The following NFASC variants were observed in gnomAD, a reference collection of about 807,000 sequenced individuals.
NFASC encodes the protein neurofascin homolog.
A neutral mutation model predicts 147.5 loss-of-function variants in NFASC; 43 were observed. The ratio of observed to expected loss-of-function variants is 0.29; its 90% CI spans 0.23 to 0.38. The LOEUF (loss-of-function observed/expected upper bound fraction) is 0.38, where lower values mean the gene tolerates loss of function less well. Ranked by LOEUF, NFASC falls within the 10% of genes least tolerant of loss-of-function variation. The pLI is 1.00. For missense variants in NFASC, 1,320 were observed against 1,689.0 expected, an observed-to-expected ratio of 0.78 and a Z score of 3.83; for synonymous variants, 622 against 665.5, an observed-to-expected ratio of 0.93 and a Z score of 1.01.
rs2095515433 is a variant in NFASC, at chr1:204,981,857, G to C, written c.2307G>C (p.Arg769=). 5 of 1,602,764 alleles carry C rather than the reference G, an allele frequency of 3.1e-6. No homozygotes were observed. In the East Asian group the frequency reaches 1.1e-4, roughly 37 times the overall value. The change falls in exon 21 of 30, where the codon CGG becomes CGC. Residue 769 remains arginine, a synonymous_variant. Coordinates refer to ENST00000339876, the MANE Select transcript of NFASC (RefSeq NM_001005388.3). The part of the protein sequence containing the change: ...PNLRYIVKWR[R]RETREAWNNV... The stretch of plus-strand genomic sequence containing the variant: ...TGCGCTACATTGTCAAGTGGAGGCG[G>C]AGAGAGACTCGAGAGGCCTGGAACA...
At chr1:204,848,070 C>T (rs2075333492) in intron 1 of NFASC, among the ~76,000 whole-genome samples, 1 of 152,150 alleles carries the variant, frequency 6.6e-6, no homozygotes, top group Non-Finnish European at 1.5e-5. Context: ...CATTTCCCAG[C>T]AGGAAACACT....
At chr1:204,832,678 C>G (rs1672583412) in intron 1 of NFASC, among the ~76,000 whole-genome samples, 1 of 152,188 alleles carries the variant, frequency 6.6e-6, no homozygotes, top group Non-Finnish European at 1.5e-5. Flanking sequence ...GTATCCTGAG[C>G]CTTTGAATCT....
At chr1:204,922,116 A>G (rs1192838838) in intron 2 of NFASC, among the ~76,000 whole-genome samples, 1 of 152,194 alleles carries the variant, frequency 6.6e-6, no homozygotes, top group African/African-American at 2.4e-5. Context: ...ACGGGTACGA[A>G]GTATATATGA....
intron 2 of NFASC, among the ~76,000 whole-genome samples, chr1:204,927,070 A>G (rs753353246): frequency 1.3e-4 from 20 of 152,122 alleles, no homozygotes; most frequent in Non-Finnish European, 1.5e-4. Flanking sequence ...GGGAGACTCC[A>G]TCTCAAAAAT....
At chr1:204,833,355 A>G (rs1672780537) in intron 1 of NFASC, among the ~76,000 whole-genome samples, 1 of 152,224 alleles carries the variant, frequency 6.6e-6, no homozygotes, top group Non-Finnish European at 1.5e-5. Flanking sequence ...GTTGAAGATT[A>G]CAGAACAGGT....
intron 7 of NFASC, 96 bp from the exon 8 acceptor site, chr1:204,957,560 C>T (rs1304415249): frequency 8.4e-7 from 1 of 1,196,714 alleles, no homozygotes; most frequent in African/African-American, 1.5e-5. Flanking sequence ...CTGGTCGCCA[C>T]CTGACCCTCT....
At chr1:204,993,552 TG>T (rs928929731) in intron 24 of NFASC, among the ~76,000 whole-genome samples, 2 of 152,200 alleles carry the variant, frequency 1.3e-5, no homozygotes. Context: ...TGCCTTCCAG[TG>T]TGCATTAGGT....
chr1:204,922,066 G>T (rs1241544312), intron 2 of NFASC, among the ~76,000 whole-genome samples: 2 of 152,174 alleles, frequency 1.3e-5, no homozygotes, highest in African/African-American at 4.8e-5. Flanking sequence ...ACTACACGTG[G>T]AGGAGTATGA....
intron 2 of NFASC, among the ~76,000 whole-genome samples, chr1:204,942,591 A>G (rs2093430921): frequency 6.6e-6 from 1 of 152,242 alleles, no homozygotes; most frequent in African/African-American, 2.4e-5. Flanking sequence ...ATCACACTGC[A>G]TCCCATAAAT....
chr1:204,897,827 C>A (rs1261419543), intron 1 of NFASC, among the ~76,000 whole-genome samples: 1 of 152,144 alleles, frequency 6.6e-6, no homozygotes, highest in Non-Finnish European at 1.5e-5. Context: ...CCTCTGTCTC[C>A]TGGGTTCAAG....
intron 3 of NFASC, among the ~76,000 whole-genome samples, chr1:204,947,931 C>T (rs2093874165): frequency 6.6e-6 from 1 of 152,084 alleles, no homozygotes; most frequent in African/African-American, 2.4e-5. Flanking sequence ...CCCACTCACA[C>T]TCACACCCTC....
At chr1:204,856,297 C>A (rs1399880600) in intron 1 of NFASC, among the ~76,000 whole-genome samples, 1 of 151,446 alleles carries the variant, frequency 6.6e-6, no homozygotes, top group East Asian at 2.0e-4. Flanking sequence ...AGCTACACTT[C>A]GGGACATCAG....
intron 27 of NFASC, among the ~76,000 whole-genome samples, chr1:205,004,082 A>G (rs1429320259): frequency 6.6e-6 from 1 of 152,270 alleles, no homozygotes; most frequent in Non-Finnish European, 1.5e-5. Flanking sequence ...TCTAGCTCAG[A>G]TGAGGTCCCA....
intron 3 of NFASC, among the ~76,000 whole-genome samples, chr1:204,948,358 G>A (rs1016598957): frequency 3.3e-5 from 5 of 152,226 alleles, no homozygotes; most frequent in Non-Finnish European, 5.9e-5. Flanking sequence ...GTAGCACAGT[G>A]GTGGCTGCAG....
At chr1:204,854,252 A>G (rs1290813953) in intron 1 of NFASC, among the ~76,000 whole-genome samples, 1 of 152,138 alleles carries the variant, frequency 6.6e-6, no homozygotes, top group Non-Finnish European at 1.5e-5. Flanking sequence ...ACCTACTTCC[A>G]TCTCTGTCAC....
chr1:204,955,148 G>T (rs1445228944), intron 7 of NFASC, among the ~76,000 whole-genome samples, 197 bp downstream of exon 7: 6 of 152,158 alleles, frequency 3.9e-5, no homozygotes, highest in Non-Finnish European at 1.5e-5. Flanking sequence ...GCTGCTGTGT[G>T]ATCTTGAGCA....
intron 2 of NFASC, among the ~76,000 whole-genome samples, chr1:204,936,243 C>T (rs182823106): frequency 8.2e-6 from 1 of 122,538 alleles, no homozygotes; most frequent in East Asian, 2.7e-4. Context: ...GCTCTGTAAC[C>T]CATGCTGGAG....
At chr1:204,977,316 C>G (rs1333490506) in intron 16 of NFASC, among the ~76,000 whole-genome samples, 1 of 152,184 alleles carries the variant, frequency 6.6e-6, no homozygotes, top group African/African-American at 2.4e-5. Context: ...CTAACCCAAA[C>G]CAAGAGGAAG....
chr1:204,932,016 GGCTGAGCA>G (rs1261372695), intron 2 of NFASC, among the ~76,000 whole-genome samples: 1 of 152,076 alleles, frequency 6.6e-6, no homozygotes, highest in Non-Finnish European at 1.5e-5. Context: ...AGGAGACATG[GGCTGAGCA>G]ACCTCACTCT....
Sources: allele counts gnomAD v4.1 joint callset (sites outside exome capture counted in the v4.1 genomes callset), GRCh38; gene constraint gnomAD v4.1.1; transcripts MANE v1.5; gene names NCBI Gene and HGNC (gene_info 2026-07-23, HGNC 2026-07-21).